KDM5A: variants seen among roughly 807,000 people sequenced by gnomAD.
KDM5A encodes the protein lysine-specific demethylase 5A.
Under a neutral mutation model 193.5 loss-of-function variants are expected in KDM5A, and 42 were observed. The ratio of observed to expected loss-of-function variants is 0.22; its 90% CI spans 0.17 to 0.28. KDM5A has a LOEUF of 0.28. Ranked by LOEUF, KDM5A falls within the 10% of genes least tolerant of loss-of-function variation. KDM5A has a pLI of 1.00. For missense variants in KDM5A, 1,692 were observed against 2,055.1 expected, an observed-to-expected ratio of 0.82 and a Z score of 3.42; for synonymous variants, 796 against 718.1, an observed-to-expected ratio of 1.11 and a Z score of -1.73.
rs1354180835 is a variant in KDM5A at position 318,192 on chromosome 12, A to C, written c.2811T>G (p.Ala937=). The C allele has an allele frequency of 1.9e-6, 3 of 1,614,198 alleles. No homozygotes were observed. Among genetic ancestry groups the C allele is most frequent in the South Asian group, 1.1e-5 (1 of 91,088 alleles). ...GTAGTTCAGCCATTGCTTTCTCCAC[A>C]GCATGGTGGGGTGCCAACCCTACCC... ...DSGVGLAPHH[A]VEKAMAELQE... Residue 937 remains alanine (A), a synonymous_variant, in exon 19 of 28, where the codon GCT becomes GCG. Coordinates refer to ENST00000399788, the MANE Select transcript of KDM5A (RefSeq NM_001042603.3).
At chr12:388,521 C>G (rs919085738) in intron 1 of KDM5A, 1 of 360,690 alleles carries the variant, frequency 2.8e-6, no homozygotes, top group Non-Finnish European at 5.4e-6. Flanking sequence ...AACCCTAGCC[C>G]TGAGATGAGG....
chr12:312,836 T>C (rs1463159967), intron 20 of KDM5A, among the ~76,000 whole-genome samples: 1 of 152,164 alleles, frequency 6.6e-6, no homozygotes, highest in Middle Eastern at 3.2e-3. Flanking sequence ...ATACCACATA[T>C]TGCTAGCCTG....
At chr12:375,794 T>C (rs1278197441) in intron 3 of KDM5A, among the ~76,000 whole-genome samples, 1 of 152,244 alleles carries the variant, frequency 6.6e-6, no homozygotes, top group African/African-American at 2.4e-5. Flanking sequence ...GTTTTCCTTC[T>C]AACAGTCAGG....
chr12:308,966 G>A (rs1056858590), intron 22 of KDM5A, among the ~76,000 whole-genome samples: 1 of 151,978 alleles, frequency 6.6e-6, no homozygotes, highest in African/African-American at 2.4e-5. Context: ...TCTGTAGCCT[G>A]GTATAATTCC....
chr12:365,924 T>A lies in KDM5A; in HGVS notation c.537+10A>T. The A allele has an allele frequency of 6.2e-7, 1 of 1,612,174 alleles. No homozygotes were observed. Among genetic ancestry groups the A allele is most frequent in the Non-Finnish European group, 8.5e-7 (1 of 1,178,274 alleles). On this transcript the variant is annotated intron_variant, in intron 4 of 27. Coordinates refer to ENST00000399788, the MANE Select transcript of KDM5A (RefSeq NM_001042603.3). ...TATCAACTTTTTCTAAAAAGAATAA[T>A]GCATCTCACCATAAGGCTCACACCA...
At chr12:286,569 T>G (rs1276109779) in intron 27 of KDM5A, among the ~76,000 whole-genome samples, 1 of 152,206 alleles carries the variant, frequency 6.6e-6, no homozygotes, top group African/African-American at 2.4e-5. Context: ...GTCATTTCAT[T>G]GGTAACGTTA....
At chr12:355,102 G>T in intron 7 of KDM5A, 56 bp downstream of exon 7, 1 of 1,074,170 alleles carries the variant, frequency 9.3e-7, no homozygotes, top group Non-Finnish European at 1.5e-6. Context: ...GATAGAAAGT[G>T]CAAAACTATA....
chr12:334,526 T>G (rs1276344451), intron 10 of KDM5A, 104 bp from the exon 11 acceptor site: 2 of 807,678 alleles, frequency 2.5e-6, no homozygotes, highest in Admixed American at 3.9e-5. Context: ...ATATTTATAA[T>G]AGTCTAGTGC....
chr12:295,344 GAGAA>G (rs1053433595), intron 26 of KDM5A, among the ~76,000 whole-genome samples: 6 of 151,366 alleles, frequency 4.0e-5, no homozygotes, highest in Admixed American at 2.6e-4. Flanking sequence ...GAGAAAGAGA[GAGAA>G]AGAAAGAGAA....
chr12:306,440 T>C (rs1943507812), intron 24 of KDM5A, among the ~76,000 whole-genome samples: 1 of 152,192 alleles, frequency 6.6e-6, no homozygotes, highest in East Asian at 1.9e-4. Flanking sequence ...TTTTTAATTC[T>C]ATTTTTTAAA....
rs970203572 is a variant in KDM5A, at chr12:283,679, C to T, written c.*1777G>A. On this transcript the variant is annotated 3_prime_UTR_variant, in exon 28 of 28. Coordinates refer to ENST00000399788, the MANE Select transcript of KDM5A (RefSeq NM_001042603.3). ...ACTGGGGCAAAAAGGGAAGAGGAAACTATAAGCTGTTGCTAGGTCCACCCC... is the reference window on the plus strand; with the variant it reads ...ACTGGGGCAAAAAGGGAAGAGGAAATTATAAGCTGTTGCTAGGTCCACCCC... The T allele has an allele frequency of 2.6e-5, 6 of 233,130 alleles. No individual in the cohort carries two copies. The highest frequency in any genetic ancestry group is 5.1e-5 in the Non-Finnish European group (6 of 117,914). The allele number at this position is 233,130 out of a possible 1,614,324, so 14.4% of individuals were successfully genotyped here.
chr12:366,154 C>A, intron 3 of KDM5A, 50 bp from the exon 4 acceptor site: 1 of 1,523,292 alleles, frequency 6.6e-7, no homozygotes, highest in South Asian at 1.1e-5. Context: ...ATTCAAGCAT[C>A]TTGACTCTTA....
At chr12:373,339 G>A (rs1260997120) in intron 3 of KDM5A, among the ~76,000 whole-genome samples, 1 of 152,150 alleles carries the variant, frequency 6.6e-6, no homozygotes, top group Non-Finnish European at 1.5e-5. Flanking sequence ...ATGTCTCCAG[G>A]AATTTATCCA....
rs776776886 is a variant in KDM5A at position 389,234 on chromosome 12, G to GAATC, written c.-147_-144dup. The GAATC allele has an allele frequency of 1.2e-6, 1 of 824,856 alleles. No individual in the cohort carries two copies. The highest frequency in any genetic ancestry group is 2.5e-5 in the East Asian group (1 of 40,020). The allele number at this position is 824,856 out of a possible 1,614,324, so 51.1% of individuals were successfully genotyped here. On this transcript the variant is annotated 5_prime_UTR_variant, in exon 1 of 28. Transcript: ENST00000399788. ...AGAACCGTTCAACACAGAAACCCCA[G>GAATC]AATCGCTTCCTCCTCCCGTTTGTTA...
chr12:340,694 CAA>C (rs375465074), intron 10 of KDM5A, among the ~76,000 whole-genome samples: 1,414 of 50,922 alleles, frequency 0.028, 7 homozygotes, highest in African/African-American at 0.083. Flanking sequence ...GACTCCATCA[CAA>C]AAAAAAAAAA....
At chr12:373,878 A>G (rs939534964) in intron 3 of KDM5A, among the ~76,000 whole-genome samples, 5 of 152,156 alleles carry the variant, frequency 3.3e-5, no homozygotes, top group African/African-American at 1.2e-4. Flanking sequence ...GTTTCCATGT[A>G]GTTGAGTGGT....
intron 1 of KDM5A, 47 bp from the exon 2 acceptor site, chr12:386,021 G>A: frequency 7.0e-7 from 1 of 1,424,188 alleles, no homozygotes; most frequent in Non-Finnish European, 9.9e-7. Context: ...ATGTAAACAA[G>A]GAATGCATTA....
chr12:378,754 T>G (rs1204394713), intron 3 of KDM5A, among the ~76,000 whole-genome samples: 2 of 151,994 alleles, frequency 1.3e-5, no homozygotes, highest in South Asian at 2.1e-4. Flanking sequence ...GTCAGGAGAT[T>G]GAGACCATCC....
chr12:324,209 G>A (rs948973021), intron 14 of KDM5A, among the ~76,000 whole-genome samples: 4 of 152,092 alleles, frequency 2.6e-5, no homozygotes, highest in Non-Finnish European at 4.4e-5. Context: ...AGGAGGCTAA[G>A]GAGGGAAGAT....
Sources: allele counts gnomAD v4.1 joint callset (sites outside exome capture counted in the v4.1 genomes callset), GRCh38; gene constraint gnomAD v4.1.1; transcripts MANE v1.5; gene names NCBI Gene and HGNC (gene_info 2026-07-23, HGNC 2026-07-21).